FLRT2: variants seen among roughly 807,000 people sequenced by gnomAD.
FLRT2 encodes the protein fibronectin leucine rich transmembrane protein 2.
In FLRT2, 15 loss-of-function variants were observed where a neutral mutation model predicts 40.0. The ratio of observed to expected loss-of-function variants is 0.38; its 90% CI spans 0.25 to 0.58. FLRT2 has a LOEUF of 0.58. Ranked by LOEUF, FLRT2 falls within the 20% of genes least tolerant of loss-of-function variation. The probability of loss-of-function intolerance (pLI) is 0.71; values close to 1 mark genes in which losing one functional copy is unlikely to be tolerated. For synonymous variants in FLRT2, 380 were observed against 336.8 expected (o/e 1.13, Z -1.41); for missense variants, 726 against 840.0 (o/e 0.86, Z 1.68).
At chr14:85,581,282 G>C (rs1263881808) in intron 1 of FLRT2, among the ~76,000 whole-genome samples, 1 of 152,164 alleles carries the variant, frequency 6.6e-6, no homozygotes, top group Non-Finnish European at 1.5e-5. Flanking sequence ...AGCAGTCCTT[G>C]AGTCTTCCAG....
At chr14:85,546,615 C>G (rs141363161) in intron 1 of FLRT2, among the ~76,000 whole-genome samples, 416 of 152,280 alleles carry the variant, frequency 2.7e-3, no homozygotes, top group Non-Finnish European at 4.4e-3. Flanking sequence ...TGGGTAGAAC[C>G]GAAACGCTTG....
intron 1 of FLRT2, among the ~76,000 whole-genome samples, chr14:85,589,801 C>A (rs1430933909): frequency 6.6e-6 from 1 of 152,088 alleles, no homozygotes; most frequent in African/African-American, 2.4e-5. Context: ...GCAAGGGATA[C>A]AGGTCTATTT....
intron 1 of FLRT2, among the ~76,000 whole-genome samples, chr14:85,535,892 G>GTTTTGTTTTTT (rs1566713949): frequency 5.2e-5 from 3 of 57,898 alleles, no homozygotes; most frequent in Non-Finnish European, 6.8e-5. Context: ...AAGGAATGCT[G>GTTTTGTTTTTT]TTTTTTTTTT....
chr14:85,624,595 T>C lies in FLRT2; in HGVS notation c.*1098T>C, dbSNP rs1012186518. The C allele has an allele frequency of 6.0e-6, 1 of 166,992 alleles. No individual in the cohort carries two copies. Among genetic ancestry groups the C allele is most frequent in the Non-Finnish European group, 1.5e-5 (1 of 68,116 alleles). The allele number at this position is 166,992 out of a possible 1,614,324, so 10.3% of individuals were successfully genotyped here. A position where few individuals can be genotyped will look rare whatever the true frequency, so the allele number is the denominator to read the frequency against. On this transcript the variant is annotated 3_prime_UTR_variant, in exon 2 of 2. Coordinates refer to ENST00000330753, the MANE Select transcript of FLRT2 (RefSeq NM_013231.6). Reference sequence around the variant, plus strand: ...TGACTTTGTTAGTATCATGTTGAAATAGCTTGAAGTAATATCTTTTATCCC... The same window carrying C: ...TGACTTTGTTAGTATCATGTTGAAACAGCTTGAAGTAATATCTTTTATCCC...
rs2139366153 is a variant in FLRT2 at position 85,619,488 on chromosome 14, G to A, written c.-376-1651G>A. ...TTATATTTCCGAAACAATAAAAAAT[G>A]AGTTTTACCTTTTCTGGTCATCGAA... On this transcript the variant is annotated intron_variant, in intron 1 of 1. Transcript: ENST00000330753. Among the ~76,000 whole-genome samples, 5 of 152,206 alleles carry A rather than the reference G, an allele frequency of 3.3e-5. No homozygotes were observed. The South Asian group carries it at 1.0e-3, about 32-fold the overall frequency.
chr14:85,620,552 T>C (rs1893335814), intron 1 of FLRT2, among the ~76,000 whole-genome samples: 1 of 152,202 alleles, frequency 6.6e-6, no homozygotes, highest in Admixed American at 6.5e-5. Context: ...ACAGCTTTTT[T>C]ATAACATAGT....
intron 1 of FLRT2, among the ~76,000 whole-genome samples, chr14:85,552,209 G>A (rs1468857853): frequency 1.3e-5 from 2 of 152,136 alleles, no homozygotes; most frequent in East Asian, 3.9e-4. Context: ...AGAATCTAGG[G>A]AGCTTGTCTT....
chr14:85,619,350 G>A (rs1423277016), intron 1 of FLRT2, among the ~76,000 whole-genome samples: 4 of 152,038 alleles, frequency 2.6e-5, no homozygotes, highest in African/African-American at 4.8e-5. Flanking sequence ...CTCCCAAAGT[G>A]CTGAGATTAC....
At chr14:85,578,178 CTTTATATATA>C (rs372684859) in intron 1 of FLRT2, among the ~76,000 whole-genome samples, 2,553 of 94,170 alleles carry the variant, frequency 0.027, 69 homozygotes, top group African/African-American at 0.063. Flanking sequence ...ATAAAAATAT[CTTTATATATA>C]TTTATATATA....
chr14:85,577,687 A>G (rs1891180591), intron 1 of FLRT2, among the ~76,000 whole-genome samples: 1 of 151,880 alleles, frequency 6.6e-6, no homozygotes, highest in African/African-American at 2.4e-5. Flanking sequence ...CCTGGGCACA[A>G]GTGGTCCTCC....
In FLRT2 at chr14:85,652,799, A is replaced by AT. The variant is rs1894465327; in HGVS notation, c.*29304dup. The AT allele has an allele frequency of 6.6e-6, 1 of 150,882 alleles. No individual in the cohort carries two copies. The highest frequency in any genetic ancestry group is 1.5e-5 in the Non-Finnish European group (1 of 67,634). 9.3% of individuals were successfully genotyped at this position (150,882 alleles called of 1,614,324 possible). ...AATTATCAATGAGTTTTCTTTTTCT[A>AT]TTATTTAAAAAAGTTTTTGCTTGGC... On this transcript the variant is annotated 3_prime_UTR_variant, in exon 2 of 2. Coordinates refer to ENST00000330753, the MANE Select transcript of FLRT2 (RefSeq NM_013231.6).
At chr14:85,568,717 C>T (rs1890748771) in intron 1 of FLRT2, among the ~76,000 whole-genome samples, 1 of 152,160 alleles carries the variant, frequency 6.6e-6, no homozygotes, top group African/African-American at 2.4e-5. Flanking sequence ...CACTATGGAG[C>T]CCAACCTTGG....
chr14:85,649,422 T>C lies in FLRT2; in HGVS notation c.*25925T>C, dbSNP rs1350804306. On this transcript the variant is annotated 3_prime_UTR_variant, in exon 2 of 2. Coordinates refer to ENST00000330753, the MANE Select transcript of FLRT2 (RefSeq NM_013231.6). ...ACAAGAAGATAATCAGGAACCAAGA[T>C]GGATATGTGTGTCTTGAGGCAGAAC... 6.6e-6 allele frequency: 1 copy of C among 152,120 alleles called. No homozygotes were observed. The highest frequency in any genetic ancestry group is 1.5e-5 in the Non-Finnish European group (1 of 67,994). The allele number at this position is 152,120 out of a possible 1,614,324, so 9.4% of individuals were successfully genotyped here.
intron 1 of FLRT2, among the ~76,000 whole-genome samples, chr14:85,568,108 T>A (rs1029925504): frequency 3.0e-4 from 46 of 152,014 alleles, no homozygotes; most frequent in Middle Eastern, 3.4e-3. Context: ...TGTGGAGGGT[T>A]CCTTGAGAAT....
intron 1 of FLRT2, among the ~76,000 whole-genome samples, chr14:85,544,251 T>G (rs1001375095): frequency 3.3e-5 from 5 of 152,170 alleles, no homozygotes; most frequent in Admixed American, 2.6e-4. Context: ...AAACCACACA[T>G]GAGGCAATTC....
At chr14:85,569,540 A>G (rs778217113) in intron 1 of FLRT2, among the ~76,000 whole-genome samples, 4 of 152,214 alleles carry the variant, frequency 2.6e-5, no homozygotes, top group Non-Finnish European at 5.9e-5. Flanking sequence ...TAAATGTTAG[A>G]GACAAAGGCA....
chr14:85,616,945 T>C (rs1190358638), intron 1 of FLRT2, among the ~76,000 whole-genome samples: 1 of 152,194 alleles, frequency 6.6e-6, no homozygotes, highest in African/African-American at 2.4e-5. Context: ...TATTTTTAGG[T>C]TATGTTTATT....
intron 1 of FLRT2, among the ~76,000 whole-genome samples, chr14:85,587,537 A>G (rs2059733147): frequency 6.6e-6 from 1 of 152,082 alleles, no homozygotes; most frequent in African/African-American, 2.4e-5. Context: ...TTGATCTTCA[A>G]GTTCCAACTA....
Position 85,636,408 on chromosome 14 carries a change from A to AAAAAAAAAAAAT in FLRT2, c.*12911_*12912insAAAAAAAAAAAT, listed in dbSNP as rs1894004275. On this transcript the variant is annotated 3_prime_UTR_variant, in exon 2 of 2. Transcript: ENST00000330753. Reference sequence around the variant, plus strand: ...ACCTGCAGAAAAAAAAAAAAAAAAAACAAAAAACATTCTTATTAATCTTAA... The same window carrying AAAAAAAAAAAAT: ...ACCTGCAGAAAAAAAAAAAAAAAAAAAAAAAAAAAAATCAAAAAACATTCTTATTAATCTTAA... The AAAAAAAAAAAAT allele has an allele frequency of 1.4e-5, 1 of 71,632 alleles. No homozygotes were observed. Among genetic ancestry groups the AAAAAAAAAAAAT allele is most frequent in the Non-Finnish European group, 3.9e-5 (1 of 25,792 alleles). The allele number at this position is 71,632 out of a possible 1,614,324, so 4.4% of individuals were successfully genotyped here. A position where few individuals can be genotyped will look rare whatever the true frequency, so the allele number is the denominator to read the frequency against.
Sources: allele counts gnomAD v4.1 joint callset (sites outside exome capture counted in the v4.1 genomes callset), GRCh38; gene constraint gnomAD v4.1.1; transcripts MANE v1.5; gene names NCBI Gene and HGNC (gene_info 2026-07-23, HGNC 2026-07-21).